KCNIP4: variants seen among roughly 807,000 people sequenced by gnomAD.
KCNIP4 encodes the protein Kv channel-interacting protein 4.
A neutral mutation model predicts 34.0 loss-of-function variants in KCNIP4; 12 were observed. The ratio of observed to expected loss-of-function variants is 0.35; its 90% confidence interval spans 0.23 to 0.57. The LOEUF (loss-of-function observed/expected upper bound fraction) is 0.57. Among genes scored for constraint, KCNIP4 ranks in the 20% least tolerant of loss-of-function variants. KCNIP4 has a pLI of 0.83. For missense variants in KCNIP4, 238 were observed against 311.7 expected, an observed-to-expected ratio of 0.76 and a Z score of 1.78; for synonymous variants, 124 against 102.2, an observed-to-expected ratio of 1.21 and a Z score of -1.29.
chr4:20,990,046 T>C (rs915578915), intron 1 of KCNIP4, among the ~76,000 whole-genome samples: 13 of 151,996 alleles, frequency 8.6e-5, no homozygotes, highest in Non-Finnish European at 1.5e-4. Flanking sequence ...AAAAATGAGA[T>C]TGGATAGTTG....
At chr4:20,983,986 C>T (rs1156374013) in intron 1 of KCNIP4, 1 of 1,525,178 alleles carries the variant, frequency 6.6e-7, no homozygotes, top group Non-Finnish European at 8.8e-7. Context: ...GAGTTAATTA[C>T]AGAATCGTAG....
At chr4:21,314,389 A>T (rs1713508308) in intron 1 of KCNIP4, among the ~76,000 whole-genome samples, 1 of 152,216 alleles carries the variant, frequency 6.6e-6, no homozygotes, top group Non-Finnish European at 1.5e-5. Context: ...CATAGTAACA[A>T]ATCCAATTCA....
At chr4:21,053,544 G>C (rs1172551799) in intron 1 of KCNIP4, among the ~76,000 whole-genome samples, 1 of 152,114 alleles carries the variant, frequency 6.6e-6, no homozygotes, top group East Asian at 1.9e-4. Flanking sequence ...GAAATAAAAT[G>C]TAAACACCTT....
chr4:20,780,920 G>A (rs1756814527), intron 3 of KCNIP4, among the ~76,000 whole-genome samples: 1 of 152,140 alleles, frequency 6.6e-6, no homozygotes, highest in Non-Finnish European at 1.5e-5. Flanking sequence ...TACCAGAATA[G>A]TATTATTTTC....
intron 1 of KCNIP4, among the ~76,000 whole-genome samples, chr4:21,104,357 T>C (rs1437953992): frequency 6.6e-6 from 1 of 152,224 alleles, no homozygotes; most frequent in Non-Finnish European, 1.5e-5. Flanking sequence ...ATGATGAACA[T>C]TTTTTCATGT....
chr4:20,749,575 A>G (rs1753205598), intron 5 of KCNIP4, 87 bp downstream of exon 5: 3 of 934,450 alleles, frequency 3.2e-6, no homozygotes, highest in Admixed American at 2.2e-5. Flanking sequence ...CCCCTGAGCA[A>G]AAATAATCAT....
chr4:21,865,254 A>G (rs541108819), intron 1 of KCNIP4, among the ~76,000 whole-genome samples: 3 of 152,178 alleles, frequency 2.0e-5, no homozygotes, highest in Non-Finnish European at 2.9e-5. Context: ...AAGATGATTC[A>G]GTGGTTCACT....
chr4:21,410,152 A>T (rs1724357576), intron 1 of KCNIP4, among the ~76,000 whole-genome samples: 1 of 152,226 alleles, frequency 6.6e-6, no homozygotes, highest in Non-Finnish European at 1.5e-5. Flanking sequence ...ATTAACAATG[A>T]GACCCATGGC....
At chr4:20,914,903 C>T (rs1484548147) in intron 1 of KCNIP4, among the ~76,000 whole-genome samples, 1 of 152,144 alleles carries the variant, frequency 6.6e-6, no homozygotes, top group African/African-American at 2.4e-5. Flanking sequence ...AAGAAACCTG[C>T]CTTTGCACTA....
intron 1 of KCNIP4, among the ~76,000 whole-genome samples, chr4:21,484,875 T>A (rs2109844408): frequency 6.6e-6 from 1 of 152,344 alleles, no homozygotes; most frequent in African/African-American, 2.4e-5. Context: ...TGCAGGCTAC[T>A]TGAGGGCAGG....
At chr4:21,019,122 CTG>C (rs1354221381) in intron 1 of KCNIP4, among the ~76,000 whole-genome samples, 2 of 152,216 alleles carry the variant, frequency 1.3e-5, no homozygotes, top group South Asian at 4.1e-4. Flanking sequence ...TGTCTTCCCT[CTG>C]TGTGTATCTC....
intron 5 of KCNIP4, among the ~76,000 whole-genome samples, chr4:20,736,306 G>A (rs193207478): frequency 6.9e-4 from 105 of 152,092 alleles, no homozygotes; most frequent in African/African-American, 2.0e-3. Context: ...TAAATACATC[G>A]TAGTTTATTT....
intron 1 of KCNIP4, among the ~76,000 whole-genome samples, chr4:21,242,032 T>C (rs971072677): frequency 2.0e-5 from 3 of 151,246 alleles, no homozygotes; most frequent in Non-Finnish European, 3.0e-5. Context: ...GGCGTGGTGG[T>C]GGGTGCCTGC....
chr4:21,046,424 G>A, intron 1 of KCNIP4, among the ~76,000 whole-genome samples: 1 of 152,094 alleles, frequency 6.6e-6, no homozygotes, highest in Admixed American at 6.5e-5. Context: ...TGTGAAGATA[G>A]CAGTTCTTTA....
intron 1 of KCNIP4, among the ~76,000 whole-genome samples, chr4:21,025,551 T>TG (rs1560656424): frequency 3.1e-5 from 2 of 65,452 alleles, no homozygotes; most frequent in Non-Finnish European, 6.1e-5. Context: ...CTGTTTTTTT[T>TG]TTTTTTTTTT....
chr4:21,273,520 G>A (rs954033851), intron 1 of KCNIP4, among the ~76,000 whole-genome samples: 1 of 152,156 alleles, frequency 6.6e-6, no homozygotes, highest in Non-Finnish European at 1.5e-5. Flanking sequence ...GGAATCGGGG[G>A]AGAGTGGCTT....
chr4:21,833,585 C>G (rs13147399), intron 1 of KCNIP4, among the ~76,000 whole-genome samples: 57,159 of 151,970 alleles, frequency 0.38, 11,882 homozygotes, highest in East Asian at 0.65. Context: ...TGCAGAAGCT[C>G]TTTAGTTTAA....
chr4:21,695,456 A>T (rs1043475914), intron 1 of KCNIP4, among the ~76,000 whole-genome samples: 6 of 152,028 alleles, frequency 3.9e-5, no homozygotes, highest in Admixed American at 1.3e-4. Flanking sequence ...CTGTGGTTCA[A>T]AAAGAAGAAA....
At chr4:21,469,282 G>A (rs62295505) in intron 1 of KCNIP4, among the ~76,000 whole-genome samples, 9,035 of 152,106 alleles carry the variant, frequency 0.059, 408 homozygotes, top group South Asian at 0.09. Flanking sequence ...CTGGGCTCCA[G>A]TGATCTGCCA....
Sources: gnomAD v4.1 joint callset for allele counts (sites outside exome capture counted in the v4.1 genomes callset) on GRCh38, gnomAD v4.1.1 for gene constraint, MANE v1.5 for transcripts, NCBI Gene and HGNC (gene_info 2026-07-23, HGNC 2026-07-21) for gene names.